The following CFAP69 variants were observed in gnomAD, a reference collection of about 807,000 sequenced individuals.
The protein encoded by CFAP69 is cilia and flagella associated protein 69, also known as cilia- and flagella-associated protein 69.
A neutral mutation model predicts 123.0 loss-of-function variants in CFAP69; 92 were observed. The ratio of observed to expected loss-of-function variants is 0.75; its 90% CI spans 0.63 to 0.89. CFAP69 has a LOEUF of 0.89. Among genes scored for constraint, CFAP69 ranks in the 40% least tolerant of loss-of-function variants. The pLI is 0.00. For synonymous variants in CFAP69, 380 were observed against 364.3 expected (o/e 1.04, Z -0.49); for missense variants, 1,067 against 1,096.9 (o/e 0.97, Z 0.39).
chr7:90,323,271 A>C, the CFAP69 span, among the ~76,000 whole-genome samples: 1 of 152,216 alleles, frequency 6.6e-6, no homozygotes. Flanking sequence ...AATGATGACA[A>C]ACATAATTTT....
chr7:90,265,084 A>T (rs1798962102), intron 4 of CFAP69, among the ~76,000 whole-genome samples: 2 of 152,076 alleles, frequency 1.3e-5, no homozygotes, highest in South Asian at 4.2e-4. Flanking sequence ...GAGCCACCGC[A>T]CCCGGCCCCA....
chr7:90,286,209 T>C (rs1790250607), intron 13 of CFAP69, 72 bp from the exon 14 acceptor site: 2 of 1,301,046 alleles, frequency 1.5e-6, no homozygotes, highest in Non-Finnish European at 1.0e-6. Flanking sequence ...TAGAAGAGAT[T>C]TCCAAACAGT....
intron 15 of CFAP69, among the ~76,000 whole-genome samples, chr7:90,296,474 C>T (rs1791992974): frequency 6.6e-6 from 1 of 151,866 alleles, no homozygotes; most frequent in South Asian, 2.1e-4. Flanking sequence ...ATTACAGGCG[C>T]CCACCACCAT....
chr7:90,299,867 T>G lies in CFAP69; in HGVS notation c.1858T>G (p.Leu620Val). The G allele has an allele frequency of 6.3e-7, 1 of 1,596,518 alleles. No homozygotes were observed. Among genetic ancestry groups the G allele is most frequent in the Non-Finnish European group, 8.5e-7 (1 of 1,172,256 alleles). ...GIFLLLDLLALNQKKFCNLIL... is the reference protein window; with the variant it reads ...GIFLLLDLLAVNQKKFCNLIL... The stretch of plus-strand genomic sequence containing the variant: ...TTCCTTTTCTGTTTCCTTGCTAAAG[T>G]TGAACCAAAAAAAATTCTGTAATCT... The change falls in exon 17 of 23, where the codon TTG becomes GTG. Residue 620 changes from leucine (L) to valine (V), a missense_variant and splice_region_variant. Physicochemically the swap from Leu to Val is conservative, Grantham distance 32 (BLOSUM62 1). Transcript: ENST00000389297.
At chr7:90,259,046 A>G (rs1012283533) in intron 3 of CFAP69, among the ~76,000 whole-genome samples, 3 of 152,196 alleles carry the variant, frequency 2.0e-5, no homozygotes, top group African/African-American at 7.2e-5. Flanking sequence ...GCAAAATATT[A>G]TATAAATATA....
At chr7:90,313,312 C>A (rs1562937206), downstream of CFAP69, among the ~76,000 whole-genome samples, 1 of 152,210 alleles carries the variant, frequency 6.6e-6, no homozygotes, top group Non-Finnish European at 1.5e-5. Context: ...GCCAACACAA[C>A]CTTAACTTAC....
At chr7:90,277,406 G>A (rs1056914893) in intron 11 of CFAP69, 72 bp downstream of exon 11, 7 of 1,203,474 alleles carry the variant, frequency 5.8e-6, no homozygotes, top group Non-Finnish European at 7.8e-6. Context: ...TTAAAGTCTT[G>A]ACTGTAAATA....
the CFAP69 span, chr7:90,322,576 A>G: frequency 6.6e-6 from 1 of 152,184 alleles, no homozygotes; most frequent in African/African-American, 2.4e-5. Context: ...AATTGGCTCA[A>G]TTTCTCTGTT....
intron 2 of CFAP69, among the ~76,000 whole-genome samples, chr7:90,257,411 C>G (rs538615052): frequency 2.9e-4 from 44 of 152,232 alleles, no homozygotes; most frequent in African/African-American, 1.0e-3. Context: ...CTATCTACCA[C>G]CTCTAGCATT....
the CFAP69 span, chr7:90,317,520 T>TTTTTTTTTTTTTTTTTTTTGAGACGG: frequency 6.6e-6 from 1 of 152,030 alleles, no homozygotes; most frequent in Non-Finnish European, 1.5e-5. Context: ...AATCTTATAT[T>TTTTTTTTTTTTTTTTTTTTGAGACGG]ATCTGCTACT....
chr7:90,317,960 T>G, the CFAP69 span: 1 of 152,192 alleles, frequency 6.6e-6, no homozygotes, highest in Non-Finnish European at 1.5e-5. Context: ...TTCTTTGTCC[T>G]GGAAAAGGCT....
At chr7:90,303,411 C>A in intron 17 of CFAP69, 1 of 255,012 alleles carries the variant, frequency 3.9e-6, no homozygotes, top group Non-Finnish European at 6.2e-6. Context: ...ATGCTTCCAG[C>A]TTTTCTCCAT....
chr7:90,261,904 A>G, intron 3 of CFAP69, 43 bp from the exon 4 acceptor site: 1 of 1,050,288 alleles, frequency 9.5e-7, no homozygotes, highest in Non-Finnish European at 1.4e-6. Flanking sequence ...ATGTTAATAA[A>G]GATATTAATC....
chr7:90,255,281 C>T (rs1266626740), intron 1 of CFAP69, 142 bp from the exon 2 acceptor site: 2 of 541,648 alleles, frequency 3.7e-6, no homozygotes, highest in South Asian at 3.2e-5. Flanking sequence ...TTTTCATCTA[C>T]TGTTCATTCT....
chr7:90,247,513 G>C (rs1421818576), intron 1 of CFAP69, among the ~76,000 whole-genome samples: 4 of 152,074 alleles, frequency 2.6e-5, no homozygotes, highest in Admixed American at 6.6e-5. Flanking sequence ...ATCAAATGGA[G>C]ATAATGACAG....
Position 90,307,798 on chromosome 7 carries a change from G to T in CFAP69, c.2494G>T (p.Ala832Ser). The change falls in exon 21 of 23, where the codon GCT becomes TCT. Residue 832 changes from alanine to serine, a missense_variant. Transcript: ENST00000389297. ...GGCCACGCACAAGCAAAGAGAGCTG[G>T]CTAATAAATCATGGGAAGATTTCTT... ...IQATHKQREL[A>S]NKSWEDFLAR... 6.2e-7 allele frequency: 1 copy of T among 1,611,532 alleles called. No homozygotes were observed. Among genetic ancestry groups the T allele is most frequent in the Middle Eastern group, 1.7e-4 (1 of 6,048 alleles).
intron 12 of CFAP69, among the ~76,000 whole-genome samples, chr7:90,280,777 T>C (rs764466004): frequency 6.6e-6 from 1 of 152,238 alleles, no homozygotes; most frequent in Admixed American, 6.5e-5. Context: ...AAGGAAGATA[T>C]TGCCTCTTTT....
At chr7:90,321,540 T>C in the CFAP69 span, among the ~76,000 whole-genome samples, 1 of 152,130 alleles carries the variant, frequency 6.6e-6, no homozygotes, top group Non-Finnish European at 1.5e-5. Context: ...TCTTACTTTG[T>C]TCCTTCTTTT....
At chr7:90,287,282 T>C (rs1411734842) in intron 14 of CFAP69, among the ~76,000 whole-genome samples, 1 of 152,182 alleles carries the variant, frequency 6.6e-6, no homozygotes, top group African/African-American at 2.4e-5. Flanking sequence ...AATATTCTTG[T>C]ACTAGTCTTT....
Sources: gnomAD v4.1 joint callset for allele counts (sites outside exome capture counted in the v4.1 genomes callset) on GRCh38, gnomAD v4.1.1 for gene constraint, MANE v1.5 for transcripts, NCBI Gene and HGNC (gene_info 2026-07-23, HGNC 2026-07-21) for gene names.